LAMB4: variants seen among roughly 807,000 people sequenced by gnomAD.
LAMB4 encodes laminin subunit beta 4.
Under a neutral mutation model 199.2 loss-of-function variants are expected in LAMB4, and 196 were observed. The ratio of observed to expected loss-of-function variants is 0.98; its 90% confidence interval spans 0.88 to 1.11. The LOEUF is 1.11. Ranked by LOEUF, LAMB4 falls within the 50% of genes least tolerant of loss-of-function variation. LAMB4 has a pLI of 0.00. For synonymous variants in LAMB4, 744 were observed against 770.6 expected (o/e 0.97, Z 0.57); for missense variants, 2,080 against 2,171.2 (o/e 0.96, Z 0.83).
chr7:108,055,564 G>A lies in LAMB4; in HGVS notation c.3755+68C>T, dbSNP rs567159168. On this transcript the variant is annotated intron_variant, in intron 25 of 33. Coordinates refer to ENST00000388781, the MANE Select transcript of LAMB4 (RefSeq NM_007356.3). ...CATTTCTAAATTGAAGGCTGACGAT[G>A]TTAAAGCTTGGTGGGAGTTAAGGTA... 40 of 1,470,200 alleles carry A rather than the reference G, an allele frequency of 2.7e-5. 1 individual carries two copies. The African/African-American group carries it at 4.6e-4, about 17-fold the overall frequency. The allele number at this position is 1,470,200 out of a possible 1,614,324, so 91.1% of individuals were successfully genotyped here.
Position 108,078,282 on chromosome 7 carries a change from T to A in LAMB4, c.1922A>T (p.Asn641Ile). Residue 641 changes from asparagine (N) to isoleucine (I), a missense_variant, in exon 16 of 34, where the codon AAC (asparagine) becomes ATC (isoleucine). Transcript: ENST00000388781. ...AADWTVQIVV[N>I]PPGGSEHCIP... ...GCAGTGCTCACTCCCTCCAGGGGGG[T>A]TCACCACAATCTGGACAGTCCAGTC... 2 of 1,609,520 alleles carry A rather than the reference T, an allele frequency of 1.2e-6. No homozygotes were observed. Among genetic ancestry groups the A allele is most frequent in the Non-Finnish European group, 1.7e-6 (2 of 1,178,108 alleles).
chr7:108,069,835 C>G lies in LAMB4; in HGVS notation c.2175G>C (p.Gln725His). 1 of 1,613,904 alleles carries G rather than the reference C, an allele frequency of 6.2e-7. No homozygotes were observed. The highest frequency in any genetic ancestry group is 8.5e-7 in the Non-Finnish European group (1 of 1,179,820). Residue 725 changes from glutamine to histidine, a missense_variant, in exon 18 of 34, where the codon CAG (glutamine) becomes CAC (histidine). Physicochemically the swap from Gln to His is conservative, Grantham distance 24 (BLOSUM62 0). Transcript: ENST00000388781. ...INSLENFCSK[Q>H]DLDEYQLHNC... ...TGTGAAGCTGATACTCATCTAAGTC[C>G]TGCTTGCTGCAGAAATTCTCCAATG...
chr7:108,107,437 C>T (rs2038062457), intron 6 of LAMB4, among the ~76,000 whole-genome samples, 194 bp downstream of exon 6: 1 of 152,204 alleles, frequency 6.6e-6, no homozygotes, highest in Admixed American at 6.5e-5. Flanking sequence ...GCTGAGCACT[C>T]TTGTGCAGGA....
the LAMB4 span, among the ~76,000 whole-genome samples, chr7:108,018,357 C>T: frequency 3.9e-5 from 6 of 152,182 alleles, no homozygotes; most frequent in South Asian, 6.2e-4. Flanking sequence ...CATGGAGGAG[C>T]GTGCCATCAG....
At chr7:108,126,327 T>C (rs1225379009) in intron 1 of LAMB4, among the ~76,000 whole-genome samples, 2 of 152,160 alleles carry the variant, frequency 1.3e-5, no homozygotes, top group Non-Finnish European at 2.9e-5. Context: ...CAGAACACTT[T>C]TCATCTTGCA....
chr7:108,034,149 C>T, intron 31 of LAMB4, 59 bp downstream of exon 31: 2 of 1,515,944 alleles, frequency 1.3e-6, no homozygotes, highest in Non-Finnish European at 1.8e-6. Flanking sequence ...ACATAAAAAG[C>T]ACTGTGTTGT....
chr7:108,090,661 A>G (rs950004180), intron 14 of LAMB4, among the ~76,000 whole-genome samples: 5 of 152,164 alleles, frequency 3.3e-5, no homozygotes, highest in African/African-American at 4.8e-5. Flanking sequence ...TATTTTAGAT[A>G]ATTATGTTTA....
intron 29 of LAMB4, 78 bp from the exon 30 acceptor site, chr7:108,037,673 G>A: frequency 9.2e-7 from 1 of 1,090,620 alleles, no homozygotes; most frequent in East Asian, 2.4e-5. Flanking sequence ...CCACAATGAT[G>A]TCTCAGCCAA....
intron 14 of LAMB4, among the ~76,000 whole-genome samples, chr7:108,090,230 A>AT (rs1230635836): frequency 1.3e-5 from 2 of 152,242 alleles, no homozygotes; most frequent in African/African-American, 4.8e-5. Flanking sequence ...TCATTTATGA[A>AT]TGTGCAAATA....
At chr7:108,115,890 T>A (rs765408655) in intron 3 of LAMB4, 114 bp downstream of exon 3, 1 of 1,139,306 alleles carries the variant, frequency 8.8e-7, no homozygotes. Context: ...AGTGTCTCCA[T>A]TGTTTAAAAA....
At chr7:108,025,952 C>A (rs2034822491) in intron 33 of LAMB4, among the ~76,000 whole-genome samples, 1 of 152,146 alleles carries the variant, frequency 6.6e-6, no homozygotes, top group African/African-American at 2.4e-5. Context: ...TCACACATGG[C>A]CAATGGACAG....
At chr7:108,085,703 T>A (rs765721618) in intron 14 of LAMB4, among the ~76,000 whole-genome samples, 13 of 152,144 alleles carry the variant, frequency 8.5e-5, no homozygotes, top group Non-Finnish European at 1.9e-4. Context: ...AAGCTCTGCC[T>A]CCCGGGTTCA....
intron 3 of LAMB4, among the ~76,000 whole-genome samples, chr7:108,114,094 C>G (rs530116210): frequency 6.6e-6 from 1 of 152,256 alleles, no homozygotes; most frequent in East Asian, 1.9e-4. Flanking sequence ...GCTCAGGCAA[C>G]AGTAAGCAAA....
At chr7:108,096,684 C>A (rs1563089038) in intron 11 of LAMB4, among the ~76,000 whole-genome samples, 2 of 149,996 alleles carry the variant, frequency 1.3e-5, no homozygotes, top group African/African-American at 4.9e-5. Flanking sequence ...AGAATCCCAG[C>A]ACTTTGGGAA....
intron 33 of LAMB4, among the ~76,000 whole-genome samples, chr7:108,024,714 G>GATCCATCCATCCATCCATCCATCCATCC (rs772231270): frequency 2.3e-3 from 347 of 151,206 alleles, no homozygotes; most frequent in African/African-American, 8.2e-3. Context: ...TCGATCCATT[G>GATCCATCCATCCATCCATCCATCCATCC]ATCCATCCAT....
chr7:108,121,032 T>C (rs2038580711), intron 2 of LAMB4, among the ~76,000 whole-genome samples: 1 of 152,240 alleles, frequency 6.6e-6, no homozygotes, highest in African/African-American at 2.4e-5. Context: ...TGCCTGAACA[T>C]AGACTAAGCA....
At chr7:108,024,351 T>C (rs1456673095) in intron 33 of LAMB4, among the ~76,000 whole-genome samples, 173 bp from the exon 34 acceptor site, 1 of 152,236 alleles carries the variant, frequency 6.6e-6, no homozygotes, top group Non-Finnish European at 1.5e-5. Context: ...GGTTTTCACA[T>C]AAATTAGAGC....
intron 31 of LAMB4, among the ~76,000 whole-genome samples, chr7:108,031,494 A>G (rs2035039255): frequency 6.6e-6 from 1 of 151,950 alleles, no homozygotes; most frequent in African/African-American, 2.4e-5. Flanking sequence ...ACTCCCCATT[A>G]TATCTTCTCT....
At chr7:108,033,442 G>A (rs995759512) in intron 31 of LAMB4, among the ~76,000 whole-genome samples, 1 of 152,056 alleles carries the variant, frequency 6.6e-6, no homozygotes, top group Non-Finnish European at 1.5e-5. Context: ...AGACAGTCTC[G>A]CTCTGTTGCC....
Sources: allele counts gnomAD v4.1 joint callset (sites outside exome capture counted in the v4.1 genomes callset), GRCh38; gene constraint gnomAD v4.1.1; transcripts MANE v1.5; gene names NCBI Gene and HGNC (gene_info 2026-07-23, HGNC 2026-07-21).